CUX1: variants seen among roughly 807,000 people sequenced by gnomAD.
CUX1 encodes cut like homeobox 1.
Under a neutral mutation model 158.8 loss-of-function variants are expected in CUX1, and 31 were observed. The ratio of observed to expected loss-of-function variants is 0.20; its 90% CI spans 0.15 to 0.26. The LOEUF (loss-of-function observed/expected upper bound fraction) is 0.26, where lower values mean the gene tolerates loss of function less well. CUX1 is among the 10% of genes least tolerant of loss of function. The probability of loss-of-function intolerance (pLI) is 1.00; values close to 1 mark genes in which losing one functional copy is unlikely to be tolerated. For synonymous variants in CUX1, 879 were observed against 862.1 expected (o/e 1.02, Z -0.34); for missense variants, 1,589 against 2,014.6 (o/e 0.79, Z 4.04).
At chr7:102,128,009 A>G (rs1250608477) in intron 8 of CUX1, among the ~76,000 whole-genome samples, 1 of 152,138 alleles carries the variant, frequency 6.6e-6, no homozygotes, top group African/African-American at 2.4e-5. Context: ...CACCACGCCC[A>G]GTGAATTTTT....
At chr7:101,903,229 A>G (rs1802351495) in intron 1 of CUX1, among the ~76,000 whole-genome samples, 1 of 152,022 alleles carries the variant, frequency 6.6e-6, no homozygotes, top group Non-Finnish European at 1.5e-5. Flanking sequence ...GAGGTAGAAA[A>G]CAAGTGACCT....
chr7:101,862,827 C>T (rs945001729), intron 1 of CUX1, among the ~76,000 whole-genome samples: 6 of 151,714 alleles, frequency 4.0e-5, no homozygotes, highest in Non-Finnish European at 8.8e-5. Context: ...GATAAAGACC[C>T]GTATTACTAA....
intron 1 of CUX1, among the ~76,000 whole-genome samples, chr7:101,824,941 A>G (rs1461101607): frequency 6.6e-6 from 1 of 152,184 alleles, no homozygotes; most frequent in African/African-American, 2.4e-5. Flanking sequence ...GTCACTCTGA[A>G]AGGTGTGGCA....
intron 1 of CUX1, among the ~76,000 whole-genome samples, chr7:101,832,596 C>A (rs1794169972): frequency 6.6e-6 from 1 of 152,182 alleles, no homozygotes; most frequent in South Asian, 2.1e-4. Context: ...TTTATTCATC[C>A]CTATTTGCTT....
chr7:102,191,130 G>A (rs1238136669), intron 12 of CUX1, among the ~76,000 whole-genome samples: 3 of 152,168 alleles, frequency 2.0e-5, no homozygotes, highest in East Asian at 3.9e-4. Context: ...CCCCCTGAGC[G>A]GTCTCATCCC....
intron 5 of CUX1, 80 bp from the exon 6 acceptor site, chr7:102,104,256 G>A: frequency 4.3e-6 from 6 of 1,395,402 alleles, no homozygotes; most frequent in East Asian, 4.7e-5. Flanking sequence ...GATCCTACCA[G>A]GTTATGAGAG....
At chr7:102,222,798 C>CGG (rs1797937116) in intron 20 of CUX1, among the ~76,000 whole-genome samples, 1 of 85,822 alleles carries the variant, frequency 1.2e-5, no homozygotes, top group East Asian at 4.0e-4. Context: ...CTGTGTGTCT[C>CGG]GGGGCACCGT....
intron 8 of CUX1, among the ~76,000 whole-genome samples, chr7:102,141,171 G>A (rs1834411064): frequency 6.6e-6 from 1 of 151,998 alleles, no homozygotes; most frequent in South Asian, 2.1e-4. Context: ...TTTTCAAGTT[G>A]CCCTAAAAAA....
At chr7:102,137,903 T>C (rs1834067008) in intron 8 of CUX1, among the ~76,000 whole-genome samples, 1 of 152,016 alleles carries the variant, frequency 6.6e-6, no homozygotes. Flanking sequence ...AAAATCTAGT[T>C]GGCCAAGCAC....
At chr7:102,259,232 C>T (rs1412219845), downstream of CUX1, among the ~76,000 whole-genome samples, 16 of 152,250 alleles carry the variant, frequency 1.1e-4, 1 homozygote, top group Middle Eastern at 6.8e-3. Context: ...CACTTAGGGC[C>T]GGGGGTGTCT....
intron 8 of CUX1, among the ~76,000 whole-genome samples, chr7:102,132,464 A>G (rs1833401194): frequency 6.6e-6 from 1 of 151,846 alleles, no homozygotes. Flanking sequence ...TATTCTCCGT[A>G]ACTTCCCCCT....
At chr7:101,834,921 G>A (rs913216308) in intron 1 of CUX1, among the ~76,000 whole-genome samples, 9 of 151,994 alleles carry the variant, frequency 5.9e-5, no homozygotes, top group African/African-American at 1.9e-4. Flanking sequence ...TCTTGAACCC[G>A]GGAGGCAGAG....
rs58422337 is a variant in CUX1 at position 102,039,126 on chromosome 7, C to T, written c.189+10981C>T. 9.6e-3 allele frequency among the ~76,000 whole-genome samples: 1,455 copies of T among 152,270 alleles called. 20 individuals are homozygous for T. Among genetic ancestry groups the T allele is most frequent in the African/African-American group, 0.033 (1,361 of 41,550 alleles). On this transcript the variant is annotated intron_variant, in intron 3 of 23. Transcript: ENST00000292535. ...ATATGGATTTATTTGCTGAAAGTTA[C>T]GAGCTCTGTATACCCAGGGCCTCTC...
At chr7:102,005,855 G>T (rs1400298661) in intron 2 of CUX1, among the ~76,000 whole-genome samples, 1 of 152,138 alleles carries the variant, frequency 6.6e-6, no homozygotes, top group Non-Finnish European at 1.5e-5. Context: ...CCCTTTCGAT[G>T]AAGTAAGAGC....
intron 2 of CUX1, among the ~76,000 whole-genome samples, chr7:101,981,824 T>C (rs1381105757): frequency 6.6e-6 from 1 of 152,134 alleles, no homozygotes; most frequent in East Asian, 1.9e-4. Context: ...TTGGCCAGGC[T>C]GGTTTTGAAC....
chr7:102,105,176 T>TACACACACACACACAC (rs3076512), intron 6 of CUX1, among the ~76,000 whole-genome samples: 6 of 144,534 alleles, frequency 4.2e-5, no homozygotes, highest in South Asian at 2.3e-4. Context: ...TATTTAATAT[T>TACACACACACACACAC]ACACACACAC....
chr7:102,239,279 C>G (rs782179717), intron 22 of CUX1, 41 bp from the exon 23 acceptor site: 1 of 1,568,990 alleles, frequency 6.4e-7, no homozygotes, highest in South Asian at 1.2e-5. Context: ...GCTGCTGTCC[C>G]AGCTGGGCCT....
upstream of CUX1, among the ~76,000 whole-genome samples, chr7:101,816,551 G>T (rs1416211461): frequency 7.1e-6 from 1 of 141,250 alleles, no homozygotes; most frequent in Non-Finnish European, 1.6e-5. Flanking sequence ...CCGGGAGGGG[G>T]CCGCGGCCCG....
rs1290615260 is a variant in CUX1 at position 102,200,482 on chromosome 7, A to G, written c.2062+310A>G. On this transcript the variant is annotated intron_variant, in intron 17 of 23. Coordinates refer to ENST00000292535, the MANE Select transcript of CUX1 (RefSeq NM_181552.4). Reference sequence around the variant, plus strand: ...CTCAGTCTCCCGAGTAGCTGGGACTATAGACATGTGCCACCATGCCCATGA... The same window carrying G: ...CTCAGTCTCCCGAGTAGCTGGGACTGTAGACATGTGCCACCATGCCCATGA... Among the ~76,000 whole-genome samples, 5 of 152,036 alleles carry G rather than the reference A, an allele frequency of 3.3e-5. No individual in the cohort carries two copies. The East Asian group carries it at 9.7e-4, about 29-fold the overall frequency.
Sources: gnomAD v4.1 joint callset for allele counts (sites outside exome capture counted in the v4.1 genomes callset) on GRCh38, gnomAD v4.1.1 for gene constraint, MANE v1.5 for transcripts, NCBI Gene and HGNC (gene_info 2026-07-23, HGNC 2026-07-21) for gene names.